Variants in BLTP1 observed in about 807,000 individuals in gnomAD.
The protein encoded by BLTP1 is bridge-like lipid transfer protein family member 1.
chr4:122,239,626 C>T, the BLTP1 span: 2 of 1,614,068 alleles, frequency 1.2e-6, no homozygotes, highest in South Asian at 1.1e-5. Context: ...TCTGTCTGTT[C>T]CACCCGTCTT....
the BLTP1 span, chr4:122,249,899 A>C: frequency 1.0e-6 from 1 of 984,946 alleles, no homozygotes; most frequent in Non-Finnish European, 1.2e-6. Flanking sequence ...GTAGAGCTTG[A>C]AAAACAACAA....
At chr4:122,349,797 C>G in the BLTP1 span, 4 of 1,584,658 alleles carry the variant, frequency 2.5e-6, no homozygotes, top group African/African-American at 5.4e-5. This position sits in a 1 kb window ranked among gnomAD's most constrained non-coding sequence, Gnocchi z 4.5. Flanking sequence ...GAAAATGTTT[C>G]TTGTACTTTT....
the BLTP1 span, chr4:122,187,281 G>C: frequency 7.2e-7 from 1 of 1,379,492 alleles, no homozygotes; most frequent in Middle Eastern, 2.6e-4. Context: ...TATTCCTTCA[G>C]ATGATCATTG....
the BLTP1 span, chr4:122,333,871 C>T: frequency 6.5e-7 from 1 of 1,539,158 alleles, no homozygotes; most frequent in East Asian, 2.4e-5. Flanking sequence ...TATTTTCTAT[C>T]ATATATGTTC....
the BLTP1 span, among the ~76,000 whole-genome samples, chr4:122,330,216 C>T: frequency 0.04 from 6,108 of 151,756 alleles, 164 homozygotes; most frequent in East Asian, 0.14. Flanking sequence ...TTTGAGATCC[C>T]GATTTCAATT....
At chr4:122,336,882 T>C in the BLTP1 span, 1 of 1,594,754 alleles carries the variant, frequency 6.3e-7, no homozygotes, top group Non-Finnish European at 8.5e-7. Context: ...TTTAAACAGC[T>C]GTCAGCTCAC....
chr4:122,281,594 A>G, the BLTP1 span: 1 of 1,613,060 alleles, frequency 6.2e-7, no homozygotes, highest in Non-Finnish European at 8.5e-7. Flanking sequence ...AACCCCAACA[A>G]GTGTTAATCA....
chr4:122,218,683 T>C, the BLTP1 span, among the ~76,000 whole-genome samples: 2 of 77,404 alleles, frequency 2.6e-5, no homozygotes, highest in African/African-American at 8.6e-5. Flanking sequence ...AATTTAAATA[T>C]AGAATCAATG....
the BLTP1 span, chr4:122,262,720 T>C: frequency 5.3e-6 from 8 of 1,520,314 alleles, no homozygotes; most frequent in South Asian, 1.1e-4. Context: ...TCAGCTGTCA[T>C]TTTTATATAC....
the BLTP1 span, chr4:122,346,577 T>G: frequency 1.3e-6 from 2 of 1,592,770 alleles, no homozygotes; most frequent in Non-Finnish European, 1.7e-6. Context: ...GTGAAAACAT[T>G]AAAGGTTTTA....
the BLTP1 span, among the ~76,000 whole-genome samples, chr4:122,320,084 T>G: frequency 1.3e-5 from 2 of 152,192 alleles, no homozygotes; most frequent in African/African-American, 4.8e-5. Flanking sequence ...TCTCAAACTG[T>G]AATAGTGGAT....
At chr4:122,205,616 A>G in the BLTP1 span, among the ~76,000 whole-genome samples, 8 of 128,364 alleles carry the variant, frequency 6.2e-5, no homozygotes, top group African/African-American at 1.9e-4. Flanking sequence ...CTATAATAAT[A>G]CTGTTTCCAA....
chr4:122,308,779 A>G, the BLTP1 span, among the ~76,000 whole-genome samples: 1 of 152,216 alleles, frequency 6.6e-6, no homozygotes, highest in South Asian at 2.1e-4. Context: ...ATAGAGATCT[A>G]TATTTTACTG....
chr4:122,324,279 C>T, the BLTP1 span: 1 of 700,700 alleles, frequency 1.4e-6, no homozygotes, highest in South Asian at 3.4e-5. Flanking sequence ...TAGCTGATTC[C>T]TCCTCTATTT....
chr4:122,208,146 A>G, the BLTP1 span: 2 of 967,806 alleles, frequency 2.1e-6, no homozygotes, highest in East Asian at 1.1e-4. Flanking sequence ...CAACATATAG[A>G]AACAGCTAAC....
At chr4:122,242,562 T>G in the BLTP1 span, among the ~76,000 whole-genome samples, 16 of 152,188 alleles carry the variant, frequency 1.1e-4, no homozygotes, top group Admixed American at 1.0e-3. Context: ...TTCAATTTGA[T>G]TAGTCAGGTT....
the BLTP1 span, chr4:122,207,564 A>G: frequency 6.2e-7 from 1 of 1,608,604 alleles, no homozygotes; most frequent in Non-Finnish European, 8.5e-7. Flanking sequence ...CTGTGGAGAA[A>G]CACTAAACAT....
chr4:122,296,950 C>A, the BLTP1 span, among the ~76,000 whole-genome samples: 1 of 152,020 alleles, frequency 6.6e-6, no homozygotes, highest in African/African-American at 2.4e-5. Flanking sequence ...AATGTAAAAC[C>A]CAAAACTATA....
the BLTP1 span, among the ~76,000 whole-genome samples, chr4:122,295,643 A>C: frequency 6.6e-6 from 1 of 152,150 alleles, no homozygotes; most frequent in Non-Finnish European, 1.5e-5. Context: ...ACGACAAAAA[A>C]AGAAAACTTC....
Sources: gnomAD v4.1 joint callset for allele counts (sites outside exome capture counted in the v4.1 genomes callset) on GRCh38, gnomAD v4.1.1 for gene constraint, Gnocchi (gnomAD v3.1) non-coding constraint, MANE v1.5 for transcripts, NCBI Gene and HGNC (gene_info 2026-07-23, HGNC 2026-07-21) for gene names.